CENPC: variants seen among roughly 807,000 people sequenced by gnomAD.
CENPC encodes the protein centromere protein C.
Under a neutral mutation model 112.1 loss-of-function variants are expected in CENPC, and 63 were observed. That is an observed-to-expected ratio of 0.56 (90% CI 0.46 to 0.69). The LOEUF is 0.69. CENPC is among the 30% of genes least tolerant of loss of function. CENPC has a pLI of 0.00. For synonymous variants in CENPC, 333 were observed against 367.6 expected, an observed-to-expected ratio of 0.91 and a Z score of 1.08; for missense variants, 1,000 against 1,103.8, an observed-to-expected ratio of 0.91 and a Z score of 1.33.
At chr4:67,522,244 C>G (rs1206237054) in intron 5 of CENPC, among the ~76,000 whole-genome samples, 1 of 152,172 alleles carries the variant, frequency 6.6e-6, no homozygotes, top group Non-Finnish European at 1.5e-5. Flanking sequence ...GTTGGGAATT[C>G]GTTGTTTCAG....
At chr4:67,533,056 GAAAT>G (rs994344163) in intron 4 of CENPC, among the ~76,000 whole-genome samples, 22 of 152,116 alleles carry the variant, frequency 1.4e-4, no homozygotes, top group South Asian at 2.1e-4. Flanking sequence ...GCACAGTAGA[GAAAT>G]AAATAAATGA....
chr4:67,530,353 T>C (rs375972485), intron 5 of CENPC, among the ~76,000 whole-genome samples: 5 of 152,010 alleles, frequency 3.3e-5, no homozygotes, highest in South Asian at 2.1e-4. Flanking sequence ...TCTTACACTA[T>C]TGGTGTAAAA....
chr4:67,485,106 C>T (rs117485391), intron 17 of CENPC, among the ~76,000 whole-genome samples: 6 of 152,106 alleles, frequency 3.9e-5, no homozygotes, highest in East Asian at 3.9e-4. Context: ...AAGATTATCA[C>T]CTACACTAAA....
intron 12 of CENPC, 26 bp downstream of exon 12, chr4:67,505,179 A>AT: frequency 6.7e-7 from 1 of 1,486,032 alleles, no homozygotes; most frequent in Non-Finnish European, 9.2e-7. Flanking sequence ...CATAAAAATC[A>AT]AGACAGAAAA....
At chr4:67,508,167 C>T (rs1046749742) in intron 10 of CENPC, among the ~76,000 whole-genome samples, 8 of 152,194 alleles carry the variant, frequency 5.3e-5, no homozygotes, top group African/African-American at 1.7e-4. Context: ...TCACATTAAT[C>T]TCACTTAAAA....
At chr4:67,523,480 G>C (rs1726288656) in intron 5 of CENPC, among the ~76,000 whole-genome samples, 1 of 152,158 alleles carries the variant, frequency 6.6e-6, no homozygotes, top group African/African-American at 2.4e-5. Context: ...ATGTTGAATG[G>C]TGAACGCCCA....
chr4:67,507,651 C>A (rs747100440), intron 10 of CENPC, among the ~76,000 whole-genome samples: 7 of 152,138 alleles, frequency 4.6e-5, no homozygotes, highest in Non-Finnish European at 1.0e-4. Context: ...GGTGGCTTCA[C>A]TGCTTTTACC....
intron 18 of CENPC, among the ~76,000 whole-genome samples, chr4:67,474,118 G>A (rs772072895): frequency 2.4e-4 from 37 of 151,740 alleles, no homozygotes; most frequent in East Asian, 1.9e-4. Context: ...AGGCTGGAGT[G>A]CAGTGGTGCA....
intron 8 of CENPC, 120 bp downstream of exon 8, chr4:67,513,954 T>C (rs1299784424): frequency 6.8e-6 from 6 of 885,990 alleles, no homozygotes; most frequent in Non-Finnish European, 9.6e-6. Flanking sequence ...ACCTATAGGC[T>C]TTTCAGGCTC....
intron 4 of CENPC, among the ~76,000 whole-genome samples, chr4:67,533,853 C>A (rs536011882): frequency 6.6e-6 from 1 of 151,804 alleles, no homozygotes; most frequent in South Asian, 2.1e-4. Context: ...GCCTGGGAAA[C>A]TTAGCAAGAC....
At chr4:67,527,292 AATC>A (rs1415635536) in intron 5 of CENPC, among the ~76,000 whole-genome samples, 2 of 152,146 alleles carry the variant, frequency 1.3e-5, no homozygotes, top group African/African-American at 4.8e-5. Context: ...AGAGAAGAAA[AATC>A]ATATGATCAT....
chr4:67,521,366 C>A (rs1205179924), intron 5 of CENPC, among the ~76,000 whole-genome samples: 1 of 151,924 alleles, frequency 6.6e-6, no homozygotes, highest in African/African-American at 2.4e-5. Flanking sequence ...CTCAAAGTAG[C>A]ATTTTTTAAA....
At chr4:67,494,019 CAT>C in intron 13 of CENPC, 31 bp from the exon 14 acceptor site, 2 of 1,460,992 alleles carry the variant, frequency 1.4e-6, no homozygotes, top group Non-Finnish European at 1.9e-6. Context: ...AAAGTGTATA[CAT>C]AGTTTTTAGT....
intron 9 of CENPC, among the ~76,000 whole-genome samples, chr4:67,509,783 C>T (rs959953103): frequency 1.3e-5 from 2 of 151,992 alleles, no homozygotes; most frequent in Admixed American, 6.6e-5. Context: ...ATCTCCCCCT[C>T]CCTAGCCTTG....
At chr4:67,490,853 T>G (rs28579586) in intron 16 of CENPC, among the ~76,000 whole-genome samples, 129 of 17,920 alleles carry the variant, frequency 7.2e-3, no homozygotes, top group Middle Eastern at 0.031. Flanking sequence ...TATATATATA[T>G]ATATATATAT....
chr4:67,536,842 T>G (rs747645450), intron 4 of CENPC, among the ~76,000 whole-genome samples: 2 of 151,208 alleles, frequency 1.3e-5, no homozygotes, highest in Non-Finnish European at 3.0e-5. Context: ...CAAACTTGGT[T>G]TTCTGAAAGA....
chr4:67,499,074 G>C (rs1560426932), intron 12 of CENPC, among the ~76,000 whole-genome samples: 1 of 152,174 alleles, frequency 6.6e-6, no homozygotes, highest in Non-Finnish European at 1.5e-5. Context: ...AGAGCTGCTG[G>C]GTGGCCTGGT....
chr4:67,542,080 C>T (rs2109837646), intron 2 of CENPC, among the ~76,000 whole-genome samples: 1 of 152,256 alleles, frequency 6.6e-6, no homozygotes, highest in African/African-American at 2.4e-5. Context: ...CAGTGTTTAA[C>T]CATTTACCTG....
rs1246418088 is a variant in CENPC, at chr4:67,518,693, G to C, written c.618-325C>G. ...CCAAACTTTGAATATCAAAGTCTTA[G>C]AATATACTTAACTCCTTGGCTCCAG... On this transcript the variant is annotated intron_variant, in intron 6 of 18. Coordinates refer to ENST00000273853, the MANE Select transcript of CENPC (RefSeq NM_001812.4). Among the ~76,000 whole-genome samples the C allele has an allele frequency of 2.6e-5, 4 of 152,126 alleles. No homozygotes were observed. The East Asian group carries it at 7.7e-4, about 29-fold the overall frequency.
Sources: allele counts gnomAD v4.1 joint callset (sites outside exome capture counted in the v4.1 genomes callset), GRCh38; gene constraint gnomAD v4.1.1; transcripts MANE v1.5; gene names NCBI Gene and HGNC (gene_info 2026-07-23, HGNC 2026-07-21).